Variants in GRIN2B observed in about 807,000 individuals in gnomAD.
GRIN2B encodes the protein glutamate ionotropic receptor NMDA type subunit 2B, also known as glutamate receptor ionotropic, NMDA 2B.
GRIN2B carries 5 observed loss-of-function variants against 114.5 expected under a neutral mutation model. The ratio of observed to expected loss-of-function variants is 0.04; its 90% confidence interval spans 0.02 to 0.09. The LOEUF (loss-of-function observed/expected upper bound fraction) is 0.09, where lower values mean the gene tolerates loss of function less well. GRIN2B is among the 10% of genes least tolerant of loss of function. The pLI, the probability that GRIN2B is intolerant of heterozygous loss-of-function variation, is 1.00. For missense variants in GRIN2B, 1,108 were observed against 1,943.5 expected, an observed-to-expected ratio of 0.57 and a Z score of 8.08; for synonymous variants, 787 against 745.1, an observed-to-expected ratio of 1.06 and a Z score of -0.92.
At chr12:13,905,432 G>A (rs1866521595) in intron 2 of GRIN2B, among the ~76,000 whole-genome samples, 1 of 152,092 alleles carries the variant, frequency 6.6e-6, no homozygotes, top group South Asian at 2.1e-4. Context: ...CGCTTTCCTG[G>A]TTCCTGGAGA....
At position 13,556,909 on chromosome 12, in the gene GRIN2B, C is replaced by G. The variant is rs1471603678; in HGVS notation, c.*5874G>C. 2 of 152,200 alleles carry G rather than the reference C, an allele frequency of 1.3e-5. No individual in the cohort carries two copies. Among genetic ancestry groups the G allele is most frequent in the Non-Finnish European group, 2.9e-5 (2 of 68,038 alleles). 9.4% of individuals were successfully genotyped at this position (152,200 alleles called of 1,614,324 possible). A position where few individuals can be genotyped will look rare whatever the true frequency, so the allele number is the denominator to read the frequency against. ...CTTTCCCTACTTATTCCCAGTACTGCTATTCTAACCCATTACTCTGAACAA... is the reference window on the plus strand; with the variant it reads ...CTTTCCCTACTTATTCCCAGTACTGGTATTCTAACCCATTACTCTGAACAA... On this transcript the variant is annotated 3_prime_UTR_variant, in exon 14 of 14. Transcript: ENST00000609686.
At chr12:13,824,384 C>T (rs1192416831) in intron 3 of GRIN2B, among the ~76,000 whole-genome samples, 1 of 152,074 alleles carries the variant, frequency 6.6e-6, no homozygotes, top group Non-Finnish European at 1.5e-5. Context: ...TGTCTATTTA[C>T]CCAAGTTGTC....
intron 3 of GRIN2B, among the ~76,000 whole-genome samples, chr12:13,822,554 T>A (rs1347720056): frequency 1.3e-5 from 2 of 152,048 alleles, no homozygotes; most frequent in Admixed American, 1.3e-4. Flanking sequence ...AGGTAGGGGG[T>A]AATACTAAAA....
chr12:13,608,092 A>G (rs1591638262), intron 10 of GRIN2B, among the ~76,000 whole-genome samples: 1 of 152,290 alleles, frequency 6.6e-6, no homozygotes, highest in Non-Finnish European at 1.5e-5. Flanking sequence ...AATCATCCAA[A>G]TCATCCAGTT....
At chr12:13,704,756 C>T (rs1005333186) in intron 4 of GRIN2B, among the ~76,000 whole-genome samples, 2 of 152,120 alleles carry the variant, frequency 1.3e-5, no homozygotes, top group Admixed American at 6.6e-5. Flanking sequence ...GAGAGCTAAA[C>T]GAATTAATAC....
At chr12:13,693,046 G>A (rs1378007404) in intron 4 of GRIN2B, among the ~76,000 whole-genome samples, 2 of 152,038 alleles carry the variant, frequency 1.3e-5, no homozygotes, top group Non-Finnish European at 2.9e-5. Context: ...AGGATTACAG[G>A]CGTGAGCCAC....
At chr12:13,577,062 A>AGACTT (rs1431553163) in intron 10 of GRIN2B, among the ~76,000 whole-genome samples, 1 of 150,628 alleles carries the variant, frequency 6.6e-6, no homozygotes, top group African/African-American at 2.4e-5. Flanking sequence ...GGACAAGCTG[A>AGACTT]GACTTGACCC....
chr12:13,547,981 A>ATATATATAT lies in GRIN2B; in HGVS notation c.*14801_*14802insATATATATA. 1.0e-4 allele frequency: 7 copies of ATATATATAT among 68,596 alleles called. No individual in the cohort carries two copies. The highest frequency in any genetic ancestry group is 3.2e-4 in the African/African-American group (7 of 21,784). 4.2% of individuals were successfully genotyped at this position (68,596 alleles called of 1,614,324 possible). ...TGTGTATATATATATATATATATATATTTTTTTTTTTTTTCTGAAAGCTAC... is the reference window on the plus strand; with the variant it reads ...TGTGTATATATATATATATATATATATATATATATTTTTTTTTTTTTTTCTGAAAGCTAC... On this transcript the variant is annotated 3_prime_UTR_variant, in exon 14 of 14. Transcript: ENST00000609686.
At chr12:13,651,703 T>C (rs1319187307) in intron 5 of GRIN2B, among the ~76,000 whole-genome samples, 2 of 152,112 alleles carry the variant, frequency 1.3e-5, no homozygotes, top group African/African-American at 4.8e-5. Flanking sequence ...GTCTCATAAC[T>C]AAGCTAGAAA....
intron 5 of GRIN2B, among the ~76,000 whole-genome samples, chr12:13,642,691 G>A (rs552843162): frequency 1.9e-4 from 29 of 152,124 alleles, no homozygotes; most frequent in African/African-American, 5.1e-4. Flanking sequence ...TTCCTTCTCC[G>A]TGCGTGCTCA....
In GRIN2B at chr12:13,810,372, G is replaced by A. The variant is rs184675556; in HGVS notation, c.411+55426C>T. The stretch of plus-strand genomic sequence containing the variant: ...CGGGGATATTTGTGTGTGTGTGTGC[G>A]CGCATTTGGTTTTCCATCTGTGTCC... On this transcript the variant is annotated intron_variant, in intron 3 of 13. Coordinates refer to ENST00000609686, the MANE Select transcript of GRIN2B (RefSeq NM_000834.5). 1.7e-3 allele frequency among the ~76,000 whole-genome samples: 263 copies of A among 151,826 alleles called. 1 individual carries two copies. Among genetic ancestry groups the A allele is most frequent in the African/African-American group, 5.9e-3 (243 of 41,396 alleles).
chr12:13,764,183 CA>C (rs111977459), intron 3 of GRIN2B, among the ~76,000 whole-genome samples: 4,303 of 106,394 alleles, frequency 0.04, 177 homozygotes, highest in African/African-American at 0.13. Context: ...ATATCCATAC[CA>C]AAAAAAAAAA....
At chr12:13,642,413 A>G (rs1949727797) in intron 5 of GRIN2B, among the ~76,000 whole-genome samples, 1 of 152,124 alleles carries the variant, frequency 6.6e-6, no homozygotes, top group African/African-American at 2.4e-5. Context: ...TATTCAGCGT[A>G]TGATCTTGGG....
intron 3 of GRIN2B, among the ~76,000 whole-genome samples, chr12:13,826,095 G>T (rs1441289007): frequency 1.3e-5 from 2 of 150,820 alleles, no homozygotes; most frequent in African/African-American, 4.9e-5. Context: ...ACCATTATTA[G>T]CTATACTCCT....
chr12:13,901,637 T>A (rs931561725), intron 2 of GRIN2B, among the ~76,000 whole-genome samples: 1 of 152,106 alleles, frequency 6.6e-6, no homozygotes, highest in Non-Finnish European at 1.5e-5. Context: ...ATATGAGTCT[T>A]GTCAGCTACG....
At chr12:13,757,017 A>G (rs1295048460) in intron 3 of GRIN2B, among the ~76,000 whole-genome samples, 2 of 152,180 alleles carry the variant, frequency 1.3e-5, no homozygotes, top group Non-Finnish European at 2.9e-5. Context: ...CATCATCCCC[A>G]ACTACATCCT....
chr12:13,928,677 G>A (rs2136821427), intron 2 of GRIN2B, among the ~76,000 whole-genome samples: 1 of 152,326 alleles, frequency 6.6e-6, no homozygotes, highest in African/African-American at 2.4e-5. Flanking sequence ...GTGTGATGAT[G>A]GAAGGTTACA....
At chr12:13,896,169 A>G (rs931188324) in intron 2 of GRIN2B, among the ~76,000 whole-genome samples, 2 of 152,212 alleles carry the variant, frequency 1.3e-5, no homozygotes, top group South Asian at 2.1e-4. Context: ...GGCTCTACCA[A>G]CGAGGAGGCT....
At chr12:13,579,468 C>T (rs1328400187) in intron 10 of GRIN2B, among the ~76,000 whole-genome samples, 2 of 152,220 alleles carry the variant, frequency 1.3e-5, no homozygotes, top group Admixed American at 1.3e-4. Context: ...TAGCACCTAC[C>T]TCATAAAGTT....
Sources: gnomAD v4.1 joint callset for allele counts (sites outside exome capture counted in the v4.1 genomes callset) on GRCh38, gnomAD v4.1.1 for gene constraint, MANE v1.5 for transcripts, NCBI Gene and HGNC (gene_info 2026-07-23, HGNC 2026-07-21) for gene names.